The following TMEM247 variants were observed in gnomAD, a reference collection of about 807,000 sequenced individuals.
The protein encoded by TMEM247 is transmembrane protein ENSP00000343375.
In TMEM247, 23 loss-of-function variants were observed where a neutral mutation model predicts 20.7. The ratio of observed to expected loss-of-function variants is 1.11; its 90% CI spans 0.80 to 1.57. The LOEUF is 1.57. TMEM247 is among the 40% of genes most tolerant of loss of function. TMEM247 has a pLI of 0.00. For missense variants in TMEM247, 354 were observed against 283.8 expected, an observed-to-expected ratio of 1.25 and a Z score of -1.78; for synonymous variants, 106 against 111.9, an observed-to-expected ratio of 0.95 and a Z score of 0.33.
At chr2:46,480,303 C>A in intron 1 of TMEM247, 102 bp from the exon 2 acceptor site, 1 of 1,283,976 alleles carries the variant, frequency 7.8e-7, no homozygotes, top group Non-Finnish European at 1.0e-6. Flanking sequence ...ATTCAAACAC[C>A]CCAGTCCACT....
At chr2:46,480,552 C>G in exon 2 of TMEM247, 2 of 1,551,780 alleles carry the variant, frequency 1.3e-6, no homozygotes, top group South Asian at 2.4e-5. Flanking sequence ...CGGACCCAAA[C>G]CCGCAGAGCT....
At chr2:46,480,681 G>A (rs1558643342) in exon 2 of TMEM247, 5 of 1,550,874 alleles carry the variant, frequency 3.2e-6, no homozygotes, top group Non-Finnish European at 3.5e-6. Context: ...GCGGCAGCAC[G>A]AGGTGGTGAT....
At chr2:46,484,382 A>G (rs923548523) in exon 3 of TMEM247, 13 of 1,552,170 alleles carry the variant, frequency 8.4e-6, no homozygotes, top group East Asian at 4.9e-5. Context: ...CCTATTCTGC[A>G]TTGCAGCCAT....
exon 2 of TMEM247, chr2:46,480,463 G>A (rs1359104127): frequency 1.1e-5 from 17 of 1,551,652 alleles, no homozygotes; most frequent in Non-Finnish European, 1.5e-5. Context: ...ATGGAAGCTT[G>A]TGAGGACGGA....
intron 2 of TMEM247, among the ~76,000 whole-genome samples, chr2:46,481,978 A>C (rs902698814): frequency 6.6e-6 from 1 of 152,176 alleles, no homozygotes; most frequent in Admixed American, 6.5e-5. Context: ...TTATCCAAAA[A>C]ACGGAGACGC....
intron 2 of TMEM247, among the ~76,000 whole-genome samples, chr2:46,483,840 G>A (rs1257086419): frequency 6.6e-6 from 1 of 152,172 alleles, no homozygotes; most frequent in Non-Finnish European, 1.5e-5. Flanking sequence ...CCAGGCTGAA[G>A]TTAGTGGCAT....
At chr2:46,482,605 A>T (rs1447834699) in intron 2 of TMEM247, among the ~76,000 whole-genome samples, 2 of 152,208 alleles carry the variant, frequency 1.3e-5, no homozygotes, top group Non-Finnish European at 2.9e-5. Context: ...AGGGTTTCAC[A>T]AGCACTTTCT....
chr2:46,480,926 G>A (rs1469480910), intron 2 of TMEM247, among the ~76,000 whole-genome samples, 162 bp downstream of exon 2: 1 of 152,186 alleles, frequency 6.6e-6, no homozygotes, highest in South Asian at 2.1e-4. Flanking sequence ...GCGGTCTCCA[G>A]CCCTCTCCGC....
intron 2 of TMEM247, 73 bp from the exon 3 acceptor site, chr2:46,484,171 A>G (rs1053678499): frequency 8.9e-6 from 12 of 1,344,946 alleles, no homozygotes; most frequent in East Asian, 2.5e-5. Flanking sequence ...GCAGGGTCAG[A>G]GCAGGACTGA....
At chr2:46,480,918 G>T (rs962921721) in intron 2 of TMEM247, among the ~76,000 whole-genome samples, 154 bp downstream of exon 2, 1 of 152,124 alleles carries the variant, frequency 6.6e-6, no homozygotes, top group African/African-American at 2.4e-5. Flanking sequence ...CCACTCGGGC[G>T]GTCTCCAGCC....
chr2:46,480,842 C>T lies in TMEM247; in HGVS notation c.477+78C>T, dbSNP rs1290892912. 4.1e-6 allele frequency: 6 copies of T among 1,450,644 alleles called. No individual in the cohort carries two copies. In the African/African-American group the frequency reaches 7.1e-5, roughly 17 times the overall value. 89.9% of individuals were successfully genotyped at this position (1,450,644 alleles called of 1,614,324 possible). On this transcript the variant is annotated intron_variant, in intron 2 of 2. Transcript: ENST00000434431. ...CCATGGGGCCTGGAGCAGGCGCCCACCTTCCCTGCTTTGCGCGGCACCCCA... is the reference window on the plus strand; with the variant it reads ...CCATGGGGCCTGGAGCAGGCGCCCATCTTCCCTGCTTTGCGCGGCACCCCA...
rs374236685 is a variant in TMEM247, at chr2:46,484,325, A to G, written c.559A>G (p.Ile187Val). ...GTACTGCTTCATCTTCATTCACATC[A>G]TCTATGTCACCAAGGAGATGGTCTT... Residue 187 changes from isoleucine to valine, a missense_variant, in exon 3 of 3, where the codon ATC (isoleucine) becomes GTC (valine). By Grantham distance (29) the Ile-to-Val change is conservative. Transcript: ENST00000434431. 1.1e-4 allele frequency: 177 copies of G among 1,552,208 alleles called. 1 individual carries two copies. In the African/African-American group the frequency reaches 1.7e-3, roughly 15 times the overall value.
At chr2:46,483,731 G>A (rs932128513) in intron 2 of TMEM247, among the ~76,000 whole-genome samples, 1 of 152,192 alleles carries the variant, frequency 6.6e-6, no homozygotes, top group African/African-American at 2.4e-5. Flanking sequence ...CCTTCTATGT[G>A]CTAGTTACCT....
At chr2:46,484,280 A>T in exon 3 of TMEM247, 1 of 1,551,868 alleles carries the variant, frequency 6.4e-7, no homozygotes, top group Non-Finnish European at 8.7e-7. Context: ...GCTGCCCCAG[A>T]ACCAGTTTGC....
chr2:46,480,182 G>C (rs750238072), intron 1 of TMEM247, among the ~76,000 whole-genome samples: 15 of 150,318 alleles, frequency 1.0e-4, no homozygotes, highest in Admixed American at 2.6e-4. Flanking sequence ...GCCTCCACTT[G>C]CAACTTTAGG....
At chr2:46,480,478 G>A in exon 2 of TMEM247, 2 of 1,551,674 alleles carry the variant, frequency 1.3e-6, no homozygotes, top group East Asian at 2.4e-5. Flanking sequence ...GACGGAGGCT[G>A]CCAAGGGCCG....
chr2:46,480,266 A>C, intron 1 of TMEM247, 139 bp from the exon 2 acceptor site: 1 of 1,019,264 alleles, frequency 9.8e-7, no homozygotes, highest in Non-Finnish European at 1.4e-6. Context: ...GAGCACTTCT[A>C]ATAAGAATTC....
intron 2 of TMEM247, among the ~76,000 whole-genome samples, chr2:46,483,555 C>T (rs1014887850): frequency 6.6e-6 from 1 of 152,226 alleles, no homozygotes; most frequent in Non-Finnish European, 1.5e-5. Context: ...TGAGAGAACA[C>T]TCCCAAGACC....
chr2:46,479,926 C>T (rs984692784), intron 1 of TMEM247, among the ~76,000 whole-genome samples: 1 of 152,160 alleles, frequency 6.6e-6, no homozygotes, highest in Non-Finnish European at 1.5e-5. Context: ...TACCTCCCCA[C>T]TTGGGGTCCT....
Sources: gnomAD v4.1 joint callset for allele counts (sites outside exome capture counted in the v4.1 genomes callset) on GRCh38, gnomAD v4.1.1 for gene constraint, MANE v1.5 for transcripts, NCBI Gene and HGNC (gene_info 2026-07-23, HGNC 2026-07-21) for gene names.